Variants in KLRG1 observed in about 807,000 individuals in gnomAD.
KLRG1 encodes killer cell lectin like receptor G1.
Under a neutral mutation model 21.8 loss-of-function variants are expected in KLRG1, and 16 were observed. That is an observed-to-expected ratio of 0.73 (90% confidence interval 0.50 to 1.11). The LOEUF is 1.11. KLRG1 is among the 50% of genes most tolerant of loss of function. The probability of loss-of-function intolerance (pLI) is 0.00; values close to 1 mark genes in which losing one functional copy is unlikely to be tolerated. For missense variants in KLRG1, 173 were observed against 218.3 expected (o/e 0.79, Z 1.31); for synonymous variants, 69 against 75.9 (o/e 0.91, Z 0.47).
chr12:8,984,854 A>G (rs1293439628), upstream of KLRG1, among the ~76,000 whole-genome samples: 2 of 152,208 alleles, frequency 1.3e-5, no homozygotes, highest in South Asian at 2.1e-4. Flanking sequence ...AATGTGATGC[A>G]TTATGGCTAA....
chr12:9,079,205 G>T, the KLRG1 span: 3 of 1,504,642 alleles, frequency 2.0e-6, no homozygotes, highest in Non-Finnish European at 2.8e-6. Context: ...AAAAGAGCTG[G>T]CACACAAAAA....
At chr12:9,013,953 T>G (rs1397305783), downstream of KLRG1, among the ~76,000 whole-genome samples, 1 of 152,044 alleles carries the variant, frequency 6.6e-6, no homozygotes, top group African/African-American at 2.4e-5. Flanking sequence ...ATTCTAAAGC[T>G]GAAAAATTCA....
intron 2 of KLRG1, among the ~76,000 whole-genome samples, chr12:8,993,298 A>T (rs1445737331): frequency 3.3e-5 from 5 of 151,948 alleles, no homozygotes; most frequent in Admixed American, 1.3e-4. Flanking sequence ...AAATTTTTTT[A>T]AAAATTTTGA....
the KLRG1 span, among the ~76,000 whole-genome samples, chr12:9,049,418 G>C: frequency 2.0e-5 from 3 of 152,314 alleles, no homozygotes; most frequent in South Asian, 6.2e-4. Flanking sequence ...GTCCAATGGA[G>C]CTGGGGTTTA....
the KLRG1 span, chr12:9,166,327 G>C: frequency 4.6e-6 from 4 of 871,134 alleles, no homozygotes; most frequent in African/African-American, 6.9e-5. Context: ...TCTTGTAGAA[G>C]TTGTAGAACT....
the KLRG1 span, among the ~76,000 whole-genome samples, chr12:9,149,219 C>T: frequency 6.6e-6 from 1 of 152,232 alleles, no homozygotes; most frequent in East Asian, 1.9e-4. Flanking sequence ...AATAAAGCTT[C>T]ATTTACAAAA....
intron 1 of KLRG1, among the ~76,000 whole-genome samples, chr12:8,978,117 T>C (rs1315273592): frequency 6.6e-6 from 1 of 152,222 alleles, no homozygotes; most frequent in Non-Finnish European, 1.5e-5. Flanking sequence ...TAAAACTATA[T>C]GTACCACTAT....
At chr12:9,011,359 C>G (rs909500757), downstream of KLRG1, among the ~76,000 whole-genome samples, 2 of 152,172 alleles carry the variant, frequency 1.3e-5, no homozygotes, top group Non-Finnish European at 2.9e-5. Flanking sequence ...AATTCTTGCA[C>G]CTTACCTAGT....
Position 9,002,961 on chromosome 12 carries a change from T to C in KLRG1, c.358-6014T>C, listed in dbSNP as rs187205050. Among the ~76,000 whole-genome samples the C allele has an allele frequency of 7.4e-5, 11 of 149,430 alleles. No individual in the cohort carries two copies. In the East Asian group the frequency reaches 1.9e-3, roughly 26 times the overall value. On this transcript the variant is annotated intron_variant, in intron 3 of 4. Coordinates refer to ENST00000356986, the MANE Select transcript of KLRG1 (RefSeq NM_005810.4). ...CACACACACATTATCCATGAGTACA[T>C]AGAATATAAGGTTATTGTACTATGG...
At chr12:8,996,284 A>G (rs1365954468) in intron 3 of KLRG1, among the ~76,000 whole-genome samples, 1 of 152,166 alleles carries the variant, frequency 6.6e-6, no homozygotes, top group Non-Finnish European at 1.5e-5. Context: ...AATACAAGGA[A>G]CTGACATCCT....
At chr12:9,181,054 G>A in the KLRG1 span, 1 of 1,614,078 alleles carries the variant, frequency 6.2e-7, no homozygotes, top group African/African-American at 1.3e-5. Flanking sequence ...AGGGCACAGA[G>A]GGACTGCGGA....
At chr12:9,201,052 T>C in the KLRG1 span, 1 of 1,614,020 alleles carries the variant, frequency 6.2e-7, no homozygotes, top group Non-Finnish European at 8.5e-7. Context: ...TTCGATTTCT[T>C]CTTGGGTTCT....
chr12:9,070,710 T>A, the KLRG1 span: 11 of 637,300 alleles, frequency 1.7e-5, no homozygotes, highest in Admixed American at 6.0e-5. Flanking sequence ...ATCCCAGTGG[T>A]TTGTAAAAGT....
chr12:9,168,629 A>G, the KLRG1 span: 1 of 414,586 alleles, frequency 2.4e-6, no homozygotes, highest in Non-Finnish European at 4.3e-6. Context: ...CTTACAGTAC[A>G]TCAGAATCTT....
chr12:9,091,425 C>T, the KLRG1 span: 2 of 1,608,098 alleles, frequency 1.2e-6, no homozygotes, highest in African/African-American at 2.7e-5. Context: ...GCCACACCTG[C>T]TGAGCTGGAG....
the KLRG1 span, among the ~76,000 whole-genome samples, chr12:9,026,462 C>T: frequency 6.6e-6 from 1 of 152,168 alleles, no homozygotes; most frequent in African/African-American, 2.4e-5. Flanking sequence ...GTCCTAGGTC[C>T]TTCTCAGCTC....
At chr12:9,143,274 A>C in the KLRG1 span, among the ~76,000 whole-genome samples, 1 of 152,192 alleles carries the variant, frequency 6.6e-6, no homozygotes, top group South Asian at 2.1e-4. Flanking sequence ...GAACACAAGC[A>C]ATACCTTCGA....
chr12:8,961,483 G>C (rs1946380211), intron 1 of KLRG1, among the ~76,000 whole-genome samples: 1 of 152,116 alleles, frequency 6.6e-6, no homozygotes, highest in African/African-American at 2.4e-5. Context: ...TGCGATCTCA[G>C]CTCACTGCAA....
At chr12:9,095,872 G>A in the KLRG1 span, among the ~76,000 whole-genome samples, 8 of 145,174 alleles carry the variant, frequency 5.5e-5, no homozygotes, top group Non-Finnish European at 1.0e-4. Flanking sequence ...CCATTCTCCT[G>A]CCTCAGCCTC....
Sources: gnomAD v4.1 joint callset for allele counts (sites outside exome capture counted in the v4.1 genomes callset) on GRCh38, gnomAD v4.1.1 for gene constraint, MANE v1.5 for transcripts, NCBI Gene and HGNC (gene_info 2026-07-23, HGNC 2026-07-21) for gene names.